CIMIP7: variants seen among roughly 807,000 people sequenced by gnomAD.
CIMIP7 encodes the protein ciliary microtubule inner protein 7, also known as uncharacterized protein C3orf84.
At chr3:49,185,713 C>T in the CIMIP7 span, among the ~76,000 whole-genome samples, 9 of 149,846 alleles carry the variant, frequency 6.0e-5, no homozygotes, top group East Asian at 3.9e-4. Context: ...TTCCCCGAGA[C>T]GGAGTCTCGC....
the CIMIP7 span, among the ~76,000 whole-genome samples, chr3:49,181,927 C>A: frequency 6.6e-6 from 1 of 152,104 alleles, no homozygotes; most frequent in Non-Finnish European, 1.5e-5. Flanking sequence ...CGGATGTGTT[C>A]CCAGTTTCTT....
At chr3:49,188,968 T>TA in the CIMIP7 span, among the ~76,000 whole-genome samples, 15 of 151,390 alleles carry the variant, frequency 9.9e-5, no homozygotes, top group South Asian at 2.9e-3. Context: ...CCGGTTATTT[T>TA]TTTTTTTTTT....
chr3:49,181,235 G>A, the CIMIP7 span, among the ~76,000 whole-genome samples: 7 of 151,242 alleles, frequency 4.6e-5, no homozygotes, highest in African/African-American at 1.7e-4. Flanking sequence ...CCAGCTACTC[G>A]AAAGGCTGAG....
the CIMIP7 span, among the ~76,000 whole-genome samples, chr3:49,181,996 G>C: frequency 2.0e-5 from 3 of 152,320 alleles, no homozygotes; most frequent in South Asian, 6.2e-4. Flanking sequence ...CCTCCGCGGT[G>C]AGTGTTACAG....
chr3:49,186,163 C>T, the CIMIP7 span, among the ~76,000 whole-genome samples: 4 of 148,568 alleles, frequency 2.7e-5, no homozygotes, highest in Non-Finnish European at 6.0e-5. Flanking sequence ...ACCACCCTGG[C>T]TAATTTTGTA....
At chr3:49,186,693 G>A in the CIMIP7 span, among the ~76,000 whole-genome samples, 4 of 152,108 alleles carry the variant, frequency 2.6e-5, no homozygotes, top group Non-Finnish European at 4.4e-5. Context: ...GTGAGCCACC[G>A]CACCCAGCCT....
chr3:49,189,123 C>T, the CIMIP7 span, among the ~76,000 whole-genome samples: 1 of 152,274 alleles, frequency 6.6e-6, no homozygotes, highest in East Asian at 1.9e-4. Context: ...GCATGCGCCA[C>T]CAAGCCCAGC....
chr3:49,182,366 A>G, the CIMIP7 span, among the ~76,000 whole-genome samples: 1 of 152,176 alleles, frequency 6.6e-6, no homozygotes, highest in Non-Finnish European at 1.5e-5. Context: ...CTTCCCCACC[A>G]GATTAGCTAG....
the CIMIP7 span, among the ~76,000 whole-genome samples, chr3:49,183,529 A>G: frequency 1.3e-5 from 2 of 152,182 alleles, no homozygotes; most frequent in African/African-American, 4.8e-5. Flanking sequence ...TAAAAATACA[A>G]AAATTAGCTG....
At chr3:49,178,012 T>C in the CIMIP7 span, 1 of 1,609,920 alleles carries the variant, frequency 6.2e-7, no homozygotes, top group Non-Finnish European at 8.5e-7. Context: ...GCGCTCCAGG[T>C]CCTTCCGCCT....
At chr3:49,180,630 T>G in the CIMIP7 span, among the ~76,000 whole-genome samples, 1 of 151,492 alleles carries the variant, frequency 6.6e-6, no homozygotes, top group South Asian at 2.1e-4. Context: ...TGTATGTGTG[T>G]TTAAGAGTTC....
the CIMIP7 span, chr3:49,189,885 C>T: frequency 2.6e-6 from 2 of 774,062 alleles, no homozygotes; most frequent in Non-Finnish European, 2.4e-6. Context: ...AAAGATCTGA[C>T]ATCTCAGAGA....
chr3:49,189,766 C>T, the CIMIP7 span: 1 of 596,348 alleles, frequency 1.7e-6, no homozygotes, highest in Non-Finnish European at 3.2e-6. Flanking sequence ...AGGCTCTTTG[C>T]CTGTAGCTAC....
chr3:49,178,603 G>T, the CIMIP7 span: 1 of 1,415,818 alleles, frequency 7.1e-7, no homozygotes, highest in Non-Finnish European at 9.9e-7. Flanking sequence ...CCCTTACCTG[G>T]ATCACTGCCT....
At chr3:49,179,387 T>C in the CIMIP7 span, among the ~76,000 whole-genome samples, 2 of 152,206 alleles carry the variant, frequency 1.3e-5, no homozygotes, top group African/African-American at 4.8e-5. Context: ...ATTCTGTTAG[T>C]ACATAAATGA....
the CIMIP7 span, chr3:49,191,817 T>C: frequency 6.5e-7 from 1 of 1,531,156 alleles, no homozygotes; most frequent in South Asian, 1.2e-5. Context: ...TCTTGTCTTT[T>C]GGAGGGTATC....
the CIMIP7 span, among the ~76,000 whole-genome samples, chr3:49,179,847 C>G: frequency 4.6e-5 from 7 of 152,212 alleles, no homozygotes; most frequent in African/African-American, 1.7e-4. Context: ...GCTGTTAAAT[C>G]AATAAACAGG....
the CIMIP7 span, among the ~76,000 whole-genome samples, chr3:49,187,949 G>T: frequency 6.6e-6 from 1 of 152,362 alleles, no homozygotes; most frequent in Non-Finnish European, 1.5e-5. Flanking sequence ...TTGATCAGCA[G>T]CCAAAACATG....
At chr3:49,191,742 T>C in the CIMIP7 span, 1 of 1,587,470 alleles carries the variant, frequency 6.3e-7, no homozygotes, top group South Asian at 1.1e-5. Flanking sequence ...AGTGCACTCT[T>C]ACCCAGGAGC....
Sources: allele counts gnomAD v4.1 joint callset (sites outside exome capture counted in the v4.1 genomes callset), GRCh38; gene constraint gnomAD v4.1.1; transcripts MANE v1.5; gene names NCBI Gene and HGNC (gene_info 2026-07-23, HGNC 2026-07-21).